Variants in IAH1 observed in about 807,000 individuals in gnomAD.
IAH1 encodes the protein isoamyl acetate-hydrolyzing esterase 1 homolog.
IAH1 carries 24 observed loss-of-function variants against 26.7 expected under a neutral mutation model. That is an observed-to-expected ratio of 0.90 (90% CI 0.65 to 1.26). IAH1 has a LOEUF of 1.26. Ranked by LOEUF, IAH1 falls within the 50% of genes most tolerant of loss-of-function variation. IAH1 has a pLI of 0.00. For synonymous variants in IAH1, 140 were observed against 118.5 expected, an observed-to-expected ratio of 1.18 and a Z score of -1.18; for missense variants, 300 against 299.9, an observed-to-expected ratio of 1.00 and a Z score of 0.00.
intron 4 of IAH1, 99 bp downstream of exon 4, chr2:9,481,546 AGG>A (rs1423688486): frequency 1.8e-6 from 2 of 1,138,790 alleles, no homozygotes; most frequent in Non-Finnish European, 2.6e-6. Flanking sequence ...TCTGTTTCTT[AGG>A]GGCTCGGTAT....
chr2:9,502,069 TTAAAAA>T, the IAH1 span: 1 of 1,031,680 alleles, frequency 9.7e-7, no homozygotes. Flanking sequence ...GCATATGAGA[TTAAAAA>T]TAAGGTGTCT....
At position 9,488,396 on chromosome 2, in the gene IAH1, C is replaced by A. The variant is rs116208804; in HGVS notation, c.*67C>A. On this transcript the variant is annotated 3_prime_UTR_variant, in exon 6 of 6. Coordinates refer to ENST00000497473, the MANE Select transcript of IAH1 (RefSeq NM_001039613.3). Reference sequence around the variant, plus strand: ...TCAAAGTTGTCAATACGTAGAGGTACGCTTTTTTCCTCAGGCTTAAACCTT... The same window carrying A: ...TCAAAGTTGTCAATACGTAGAGGTAAGCTTTTTTCCTCAGGCTTAAACCTT... 1,768 of 1,252,708 alleles carry A rather than the reference C, an allele frequency of 1.4e-3. 18 individuals carry two copies. In the African/African-American group the frequency reaches 0.023, roughly 16 times the overall value. 77.6% of individuals were successfully genotyped at this position (1,252,708 alleles called of 1,614,324 possible). A position where few individuals can be genotyped will look rare whatever the true frequency, so the allele number is the denominator to read the frequency against.
At chr2:9,487,137 G>T (rs775018227) in intron 5 of IAH1, among the ~76,000 whole-genome samples, 7 of 152,088 alleles carry the variant, frequency 4.6e-5, no homozygotes, top group Non-Finnish European at 1.0e-4. Context: ...GCTGCTCAGG[G>T]GGCTGAGGTT....
intron 4 of IAH1, 78 bp from the exon 5 acceptor site, chr2:9,484,354 A>G: frequency 9.1e-7 from 1 of 1,097,614 alleles, no homozygotes; most frequent in South Asian, 1.3e-5. Flanking sequence ...GAAACTGTCT[A>G]GATGAGTGGA....
downstream of IAH1, among the ~76,000 whole-genome samples, chr2:9,492,005 C>T (rs1662196276): frequency 1.3e-5 from 2 of 152,224 alleles, no homozygotes; most frequent in Admixed American, 1.3e-4. Context: ...AGCACAAGTG[C>T]TCCCTAGAGA....
chr2:9,481,615 A>G (rs1457905393), intron 4 of IAH1, among the ~76,000 whole-genome samples, 168 bp downstream of exon 4: 1 of 152,106 alleles, frequency 6.6e-6, no homozygotes, highest in African/African-American at 2.4e-5. Flanking sequence ...CCATTATGTT[A>G]TACCTGAGAC....
At chr2:9,492,566 G>A (rs933223342), downstream of IAH1, among the ~76,000 whole-genome samples, 4 of 152,154 alleles carry the variant, frequency 2.6e-5, no homozygotes, top group Non-Finnish European at 4.4e-5. Context: ...CTATTGCAAC[G>A]AAGTCAGCCT....
At chr2:9,485,029 G>C (rs932823895) in intron 5 of IAH1, 1 of 155,428 alleles carries the variant, frequency 6.4e-6, no homozygotes, top group African/African-American at 2.4e-5. Context: ...GAGACAGCTG[G>C]TTTCTGACGC....
chr2:9,504,842 A>C, the IAH1 span, among the ~76,000 whole-genome samples: 1 of 151,476 alleles, frequency 6.6e-6, no homozygotes, highest in African/African-American at 2.4e-5. Context: ...ATTTTGTTAC[A>C]TAATGTCACA....
At chr2:9,476,641 T>G (rs1443490840) in intron 2 of IAH1, among the ~76,000 whole-genome samples, 1 of 152,050 alleles carries the variant, frequency 6.6e-6, no homozygotes, top group Non-Finnish European at 1.5e-5. Flanking sequence ...AAAATTACAG[T>G]TAAAGGTGGT....
At position 9,484,495 on chromosome 2, in the gene IAH1, C is replaced by T; in HGVS notation, c.509C>T (p.Ala170Val). ...TATGCCAATGCGTGTTTACAAGTGGCCCAAGACTGTGGGACTGACGTACTT... is the reference window on the plus strand; with the variant it reads ...TATGCCAATGCGTGTTTACAAGTGGTCCAAGACTGTGGGACTGACGTACTT... ...GEYANACLQV[A>V]QDCGTDVLDL... Residue 170 changes from alanine (A) to valine (V), a missense_variant, in exon 5 of 6, where the codon GCC becomes GTC. Physicochemically the swap from Ala to Val is moderately conservative, Grantham distance 64. Transcript: ENST00000497473. The T allele has an allele frequency of 6.2e-7, 1 of 1,614,092 alleles. No homozygotes were observed. The highest frequency in any genetic ancestry group is 8.5e-7 in the Non-Finnish European group (1 of 1,180,006).
Position 9,489,158 on chromosome 2 carries a change from TTGTTG to T in IAH1, c.*831_*835del, listed in dbSNP as rs1264784854. 1.2e-5 allele frequency: 1 copy of T among 80,914 alleles called. No individual in the cohort carries two copies. Among genetic ancestry groups the T allele is most frequent in the African/African-American group, 3.7e-5 (1 of 27,020 alleles). The allele number at this position is 80,914 out of a possible 1,614,324, so 5.0% of individuals were successfully genotyped here. A position where few individuals can be genotyped will look rare whatever the true frequency, so the allele number is the denominator to read the frequency against. Reference sequence around the variant, plus strand: ...TCACATTCAAAACAACCTGTTTTTTTTGTTGTTGTTGTTGTTAAGAAATATCTCAC... The same window carrying T: ...TCACATTCAAAACAACCTGTTTTTTTTTGTTGTTGTTAAGAAATATCTCAC... On this transcript the variant is annotated 3_prime_UTR_variant, in exon 6 of 6. Coordinates refer to ENST00000497473, the MANE Select transcript of IAH1 (RefSeq NM_001039613.3).
chr2:9,484,730 C>A, intron 5 of IAH1, 180 bp downstream of exon 5: 1 of 555,126 alleles, frequency 1.8e-6, no homozygotes, highest in African/African-American at 1.9e-5. Context: ...GGCTCACAAG[C>A]CCAGCAGCTT....
downstream of IAH1, among the ~76,000 whole-genome samples, chr2:9,494,465 G>C (rs563946661): frequency 3.0e-4 from 45 of 152,254 alleles, no homozygotes; most frequent in Non-Finnish European, 5.9e-4. Context: ...TACAGGCAGG[G>C]ACCTGAAAGC....
downstream of IAH1, chr2:9,489,933 A>AAAAGATATTTT: frequency 2.3e-6 from 1 of 436,876 alleles, no homozygotes; most frequent in Non-Finnish European, 4.1e-6. Flanking sequence ...ACCACAGGTC[A>AAAAGATATTTT]AAAGATATTT....
Position 9,481,548 on chromosome 2 carries a change from G to C in IAH1, c.445+101G>C, listed in dbSNP as rs1661174741. ...CCTGCCTGGGGCTTCTGTTTCTTAG[G>C]GGCTCGGTATGTCCATTTCAGTCTG... is the stretch of plus-strand genomic sequence containing the variant. On this transcript the variant is annotated intron_variant, in intron 4 of 5. Transcript: ENST00000497473. The C allele has an allele frequency of 1.5e-5, 16 of 1,095,706 alleles. 1 individual carries two copies. The highest frequency in any genetic ancestry group is 2.1e-5 in the Non-Finnish European group (16 of 747,746). 67.9% of individuals were successfully genotyped at this position (1,095,706 alleles called of 1,614,324 possible).
At chr2:9,504,877 TTCTTA>T in the IAH1 span, among the ~76,000 whole-genome samples, 9 of 152,118 alleles carry the variant, frequency 5.9e-5, no homozygotes, top group African/African-American at 2.2e-4. Context: ...GCTTCTTCTT[TTCTTA>T]TTTGTTTTTT....
At chr2:9,478,116 G>A (rs1660934074) in intron 2 of IAH1, 106 bp from the exon 3 acceptor site, 15 of 976,162 alleles carry the variant, frequency 1.5e-5, no homozygotes, top group South Asian at 1.5e-4. Context: ...TCAGAGACAC[G>A]TGACGGGTTT....
chr2:9,493,354 C>T (rs557477460), downstream of IAH1, among the ~76,000 whole-genome samples: 2 of 152,254 alleles, frequency 1.3e-5, no homozygotes, highest in South Asian at 4.1e-4. Context: ...ACATGATATA[C>T]CCTGCTTCTG....
Sources: allele counts gnomAD v4.1 joint callset (sites outside exome capture counted in the v4.1 genomes callset), GRCh38; gene constraint gnomAD v4.1.1; transcripts MANE v1.5; gene names NCBI Gene and HGNC (gene_info 2026-07-23, HGNC 2026-07-21).